Variants in BAG1 observed in about 807,000 individuals in gnomAD.
The protein encoded by BAG1 is BAG family molecular chaperone regulator 1.
A neutral mutation model predicts 35.5 loss-of-function variants in BAG1; 35 were observed. The observed-to-expected ratio is 0.99, with a 90% CI of 0.75 to 1.31. BAG1 has a LOEUF of 1.31. BAG1 is among the 50% of genes most tolerant of loss of function. The pLI, the probability that BAG1 is intolerant of heterozygous loss-of-function variation, is 0.00. For missense variants in BAG1, 464 were observed against 453.6 expected (o/e 1.02, Z -0.21); for synonymous variants, 191 against 178.9 (o/e 1.07, Z -0.54).
At chr9:33,257,372 G>A (rs2117940901) in intron 4 of BAG1, 1 of 153,642 alleles carries the variant, frequency 6.5e-6, no homozygotes, top group African/African-American at 2.4e-5. Flanking sequence ...GGGAATATAT[G>A]TACATGTGTC....
chr9:33,259,705 TCCAGAATGGCAAGAAAG>T (rs1820529796), intron 3 of BAG1: 1 of 152,084 alleles, frequency 6.6e-6, no homozygotes, highest in African/African-American at 2.4e-5. Context: ...TTGTGAGGAG[TCCAGAATGGCAAGAAAG>T]GTGGAATTCT....
In BAG1 at chr9:33,261,162, A is replaced by G; in HGVS notation, c.588T>C (p.Ser196=). The change falls in exon 3 of 7, where the codon TCT becomes TCC. Residue 196 remains serine, a synonymous_variant. Coordinates refer to ENST00000634734, the MANE Select transcript of BAG1 (RefSeq NM_004323.6). ...ACAACGGTGTTTCCATTTCCTTCAG[A>G]GATTTTCCTAAAAAGAGGAGAAAGG... The G allele has an allele frequency of 1.9e-6, 3 of 1,608,330 alleles. No individual in the cohort carries two copies. The highest frequency in any genetic ancestry group is 2.5e-6 in the Non-Finnish European group (3 of 1,177,704).
Position 33,261,187 on chromosome 9 carries a change from G to A in BAG1, c.581-18C>T, listed in dbSNP as rs766956598. The A allele has an allele frequency of 2.6e-6, 4 of 1,562,144 alleles. No individual in the cohort carries two copies. Among genetic ancestry groups the A allele is most frequent in the Admixed American group, 1.8e-5 (1 of 57,042 alleles). On this transcript the variant is annotated intron_variant, in intron 2 of 6. Coordinates refer to ENST00000634734, the MANE Select transcript of BAG1 (RefSeq NM_004323.6). ...AGATTTTCCTAAAAAGAGGAGAAAG[G>A]TAGGCCAAGTTGTAATAATTGTACA...
intron 1 of BAG1, 58 bp from the exon 2 acceptor site, chr9:33,262,888 A>AGTTTC (rs1820607882): frequency 6.3e-7 from 1 of 1,593,230 alleles, no homozygotes; most frequent in African/African-American, 1.3e-5. Flanking sequence ...CCAATATAGG[A>AGTTTC]TGACACTTTA....
Position 33,256,537 on chromosome 9 carries a change from C to T in BAG1, c.885+264G>A, listed in dbSNP as rs145609628. On this transcript the variant is annotated intron_variant, in intron 5 of 6. Coordinates refer to ENST00000634734, the MANE Select transcript of BAG1 (RefSeq NM_004323.6). ...GACTCCTTGGGTCCCAGCTTCATGA[C>T]GATTACAGATGCTACTGGCAAACAT... Among the ~76,000 whole-genome samples, 190 of 152,240 alleles carry T rather than the reference C, an allele frequency of 1.2e-3. 6 individuals are homozygous for T. The East Asian group carries it at 0.033, about 26-fold the overall frequency.
intron 4 of BAG1, 44 bp from the exon 5 acceptor site, chr9:33,256,952 A>G: frequency 6.8e-7 from 1 of 1,460,538 alleles, no homozygotes; most frequent in South Asian, 1.1e-5. Flanking sequence ...TCTGAGGCTG[A>G]CGGAAGACTC....
intron 3 of BAG1, chr9:33,259,740 C>T (rs1820530221): frequency 1.3e-5 from 2 of 152,200 alleles, no homozygotes; most frequent in South Asian, 4.1e-4. Context: ...TCTACCATTC[C>T]TTTAAATGGA....
chr9:33,262,054 C>A (rs1820582849), intron 2 of BAG1: 4 of 1,230,806 alleles, frequency 3.2e-6, no homozygotes, highest in Admixed American at 2.9e-5. Context: ...AGAAGTGATG[C>A]AAAAATAGCA....
chr9:33,254,466 C>T lies in BAG1; in HGVS notation c.*753G>A, dbSNP rs75691133. 1 of 153,008 alleles carries T rather than the reference C, an allele frequency of 6.5e-6. No individual in the cohort carries two copies. The highest frequency in any genetic ancestry group is 1.9e-4 in the East Asian group (1 of 5,200). 9.5% of individuals were successfully genotyped at this position (153,008 alleles called of 1,614,324 possible). A position where few individuals can be genotyped will look rare whatever the true frequency, so the allele number is the denominator to read the frequency against. On this transcript the variant is annotated 3_prime_UTR_variant, in exon 7 of 7. Coordinates refer to ENST00000634734, the MANE Select transcript of BAG1 (RefSeq NM_004323.6). ...TCACCACCTGCCTGCTTTACTCATT[C>T]TGGTGCCTTCTCTTTGCCCTTCCTA...
Position 33,264,292 on chromosome 9 carries a change from G to A in BAG1, c.383C>T (p.Ser128Leu). 6.2e-7 allele frequency: 1 copy of A among 1,612,790 alleles called. No homozygotes were observed. The highest frequency in any genetic ancestry group is 8.5e-7 in the Non-Finnish European group (1 of 1,179,618). The change falls in exon 1 of 7, where the codon TCG (serine) becomes TTG (leucine). Residue 128 changes from serine (S) to leucine (L), a missense_variant. Ser to Leu is a moderately radical substitution (Grantham distance 145). Transcript: ENST00000634734. ...CCTGGTCACCTCCTCGCTCCGGGTC[G>A]ACTCCTCGTCCCGGGTCACCTCCTG...
At chr9:33,255,765 C>A (rs1184733453) in intron 6 of BAG1, 100 bp downstream of exon 6, 8 of 1,340,206 alleles carry the variant, frequency 6.0e-6, no homozygotes, top group Non-Finnish European at 8.5e-6. Context: ...CAAGCCCATA[C>A]CACACACCAC....
At position 33,252,484 on chromosome 9, in the gene BAG1, T is replaced by C. The variant is rs1453653259; in HGVS notation, c.*2735A>G. 1.3e-5 allele frequency: 2 copies of C among 151,742 alleles called. No individual in the cohort carries two copies. Among genetic ancestry groups the C allele is most frequent in the African/African-American group, 4.8e-5 (2 of 41,356 alleles). The allele number at this position is 151,742 out of a possible 1,614,324, so 9.4% of individuals were successfully genotyped here. Reference sequence around the variant, plus strand: ...ATTCAACATTCATTTGTTCTCCAAATATTTATTGAGGTCTTACTATATACA... The same window carrying C: ...ATTCAACATTCATTTGTTCTCCAAACATTTATTGAGGTCTTACTATATACA... On this transcript the variant is annotated 3_prime_UTR_variant, in exon 7 of 7. Coordinates refer to ENST00000634734, the MANE Select transcript of BAG1 (RefSeq NM_004323.6).
chr9:33,262,659 A>G (rs1402977481), intron 2 of BAG1, 43 bp downstream of exon 2: 2 of 1,237,106 alleles, frequency 1.6e-6, no homozygotes, highest in East Asian at 5.8e-5. Flanking sequence ...CTTCGTCTCA[A>G]AAAAAAAAAA....
chr9:33,263,485 T>C (rs985380542), intron 1 of BAG1, among the ~76,000 whole-genome samples: 2 of 152,232 alleles, frequency 1.3e-5, no homozygotes, highest in African/African-American at 4.8e-5. Context: ...GGAGGGAGCC[T>C]GTGTACAGTA....
chr9:33,264,422 C>T lies in BAG1; in HGVS notation c.253G>A (p.Glu85Lys). ...GTCAACTCCTCGCTCCGGGTCAACT[C>T]CTCGCTCCGGGTCGAGCGGCGCCGG... Residue 85 changes from glutamate (E) to lysine (K), a missense_variant, in exon 1 of 7, where the codon GAG becomes AAG. Physicochemically the swap from Glu to Lys is moderately conservative, Grantham distance 56 (BLOSUM62 1). Transcript: ENST00000634734. 1 of 1,609,822 alleles carries T rather than the reference C, an allele frequency of 6.2e-7. No individual in the cohort carries two copies. The highest frequency in any genetic ancestry group is 1.1e-5 in the South Asian group (1 of 91,054).
In BAG1 at chr9:33,258,984, T is replaced by C. The variant is rs773234240; in HGVS notation, c.713A>G (p.Lys238Arg). ...CTGGTCAGCTATCTTCTCCACAGAC[T>C]TCTCCAAATGTTTCAACTTCTTTAG... The change falls in exon 4 of 7, where the codon AAG becomes AGG. Residue 238 changes from lysine to arginine, a missense_variant. Physicochemically the swap from Lys to Arg is conservative, Grantham distance 26. Transcript: ENST00000634734. 1 of 1,614,234 alleles carries C rather than the reference T, an allele frequency of 6.2e-7. No homozygotes were observed. Among genetic ancestry groups the C allele is most frequent in the South Asian group, 1.1e-5 (1 of 91,086 alleles).
chr9:33,258,464 A>G (rs761561930), intron 4 of BAG1, among the ~76,000 whole-genome samples: 10 of 152,180 alleles, frequency 6.6e-5, no homozygotes, highest in Middle Eastern at 6.8e-3. Flanking sequence ...GACTCCCCCA[A>G]CCCCACTATC....
At chr9:33,255,838 C>T (rs1185340274) in intron 6 of BAG1, 27 bp downstream of exon 6, 2 of 1,597,374 alleles carry the variant, frequency 1.3e-6, no homozygotes, top group Non-Finnish European at 1.7e-6. Flanking sequence ...CATATTACAC[C>T]TTGTCGTGCA....
chr9:33,255,449 G>A (rs1272775865), intron 6 of BAG1, 141 bp from the exon 7 acceptor site: 125 of 1,386,116 alleles, frequency 9.0e-5, no homozygotes, highest in Non-Finnish European at 1.2e-4. Context: ...TGGGCCACTG[G>A]CCTGGGTTCC....
Sources: gnomAD v4.1 joint callset for allele counts (sites outside exome capture counted in the v4.1 genomes callset) on GRCh38, gnomAD v4.1.1 for gene constraint, MANE v1.5 for transcripts, NCBI Gene and HGNC (gene_info 2026-07-23, HGNC 2026-07-21) for gene names.